RASGRP3: variants seen among roughly 807,000 people sequenced by gnomAD.
RASGRP3 encodes ras guanyl-releasing protein 3.
Under a neutral mutation model 82.7 loss-of-function variants are expected in RASGRP3, and 54 were observed. The observed-to-expected ratio is 0.65, with a 90% CI of 0.52 to 0.82. The LOEUF is 0.82. Among genes scored for constraint, RASGRP3 ranks in the 40% least tolerant of loss-of-function variants. The pLI is 0.00. For missense variants in RASGRP3, 861 were observed against 828.9 expected, an observed-to-expected ratio of 1.04 and a Z score of -0.48; for synonymous variants, 309 against 300.5, an observed-to-expected ratio of 1.03 and a Z score of -0.29.
intron 2 of RASGRP3, among the ~76,000 whole-genome samples, chr2:33,459,934 C>T (rs1268314192): frequency 6.6e-6 from 1 of 152,082 alleles, no homozygotes; most frequent in African/African-American, 2.4e-5. Flanking sequence ...AGGATTGAGG[C>T]CTAGTTGAGA....
At chr2:33,468,001 TTTCTTTC>T (rs1666813704) in intron 2 of RASGRP3, among the ~76,000 whole-genome samples, 1 of 116,468 alleles carries the variant, frequency 8.6e-6, no homozygotes, top group Admixed American at 7.8e-5. Flanking sequence ...TCTTTCTTTC[TTTCTTTC>T]TTTCTTTCTT....
At chr2:33,462,855 C>T (rs534167491) in intron 2 of RASGRP3, among the ~76,000 whole-genome samples, 1 of 152,296 alleles carries the variant, frequency 6.6e-6, no homozygotes, top group Admixed American at 6.5e-5. Context: ...TATACTAATG[C>T]TTGAATAGAA....
At chr2:33,558,490 T>C (rs1676266544) in intron 16 of RASGRP3, among the ~76,000 whole-genome samples, 154 bp downstream of exon 16, 1 of 152,160 alleles carries the variant, frequency 6.6e-6, no homozygotes, top group South Asian at 2.1e-4. Flanking sequence ...CCTTGAATCA[T>C]CCTTGCTTCT....
At chr2:33,485,942 C>T (rs1276607763) in intron 1 of RASGRP3, among the ~76,000 whole-genome samples, 2 of 152,182 alleles carry the variant, frequency 1.3e-5, no homozygotes, top group Admixed American at 1.3e-4. Context: ...CATCTCACAT[C>T]TAACTTGTGG....
intron 1 of RASGRP3, among the ~76,000 whole-genome samples, chr2:33,491,771 G>A (rs1668863739): frequency 6.6e-6 from 1 of 152,224 alleles, no homozygotes; most frequent in East Asian, 1.9e-4. Context: ...AATTGTCTAT[G>A]CAGCCTCGCA....
At chr2:33,456,253 G>A (rs1395825741) in intron 2 of RASGRP3, among the ~76,000 whole-genome samples, 2 of 152,046 alleles carry the variant, frequency 1.3e-5, no homozygotes, top group African/African-American at 4.8e-5. Flanking sequence ...CTGTCTTTTC[G>A]TTTGTTATTT....
At chr2:33,506,834 A>G (rs1670423861) in intron 1 of RASGRP3, among the ~76,000 whole-genome samples, 1 of 152,130 alleles carries the variant, frequency 6.6e-6, no homozygotes, top group Non-Finnish European at 1.5e-5. Context: ...TCGTGTCATC[A>G]GTTGTGGTCC....
intron 10 of RASGRP3, 147 bp from the exon 11 acceptor site, chr2:33,534,176 T>G (rs1673372639): frequency 1.6e-6 from 1 of 619,498 alleles, no homozygotes; most frequent in East Asian, 2.8e-5. Context: ...TCATTTTCCA[T>G]CTCTGCGTGC....
At chr2:33,483,096 A>G (rs137948548) in intron 1 of RASGRP3, among the ~76,000 whole-genome samples, 123 of 152,286 alleles carry the variant, frequency 8.1e-4, no homozygotes, top group Admixed American at 1.8e-3. Flanking sequence ...ATTATGGTCT[A>G]TAGAATGTAG....
chr2:33,553,869 G>C (rs571007374), intron 14 of RASGRP3, among the ~76,000 whole-genome samples: 1 of 152,212 alleles, frequency 6.6e-6, no homozygotes, highest in East Asian at 1.9e-4. Context: ...CTCCTGAATA[G>C]CTGGGACTAT....
chr2:33,530,940 G>A (rs1047165771), intron 10 of RASGRP3: 4 of 152,222 alleles, frequency 2.6e-5, no homozygotes, highest in Non-Finnish European at 4.4e-5. Flanking sequence ...TTTCTGTTGC[G>A]TGGGGTATGA....
intron 4 of RASGRP3, 130 bp from the exon 5 acceptor site, chr2:33,519,822 C>A: frequency 1.6e-6 from 1 of 608,024 alleles, no homozygotes. Context: ...GGCCACTTCT[C>A]TCCGTATTTG....
At chr2:33,554,917 A>G (rs1675773597) in intron 14 of RASGRP3, 1 of 152,218 alleles carries the variant, frequency 6.6e-6, no homozygotes, top group Non-Finnish European at 1.5e-5. Context: ...GTCACTTCCT[A>G]CTTGTTAACC....
At position 33,563,589 on chromosome 2, in the gene RASGRP3, G is replaced by A. The variant is rs1047208004; in HGVS notation, c.*852G>A. 4 of 130,672 alleles carry A rather than the reference G, an allele frequency of 3.1e-5. No homozygotes were observed. The highest frequency in any genetic ancestry group is 7.2e-5 in the Non-Finnish European group (4 of 55,610). The allele number at this position is 130,672 out of a possible 1,614,324, so 8.1% of individuals were successfully genotyped here. The stretch of plus-strand genomic sequence containing the variant: ...TTAAGAAATTAATTCAAGTTTTGAC[G>A]GTTAACATTTAGCAGAAAAACAAAC... On this transcript the variant is annotated 3_prime_UTR_variant, in exon 18 of 18. Coordinates refer to ENST00000403687, the MANE Select transcript of RASGRP3 (RefSeq NM_001139488.2).
At chr2:33,499,032 A>G (rs534407592) in intron 1 of RASGRP3, among the ~76,000 whole-genome samples, 1 of 152,312 alleles carries the variant, frequency 6.6e-6, no homozygotes, top group South Asian at 2.1e-4. Context: ...AAATTCCACT[A>G]TGAGCCTGTT....
At chr2:33,546,292 GGGCCCCTGTAGTCCCAGCTACTCGGGA>G (rs1674738593) in intron 13 of RASGRP3, among the ~76,000 whole-genome samples, 1 of 151,768 alleles carries the variant, frequency 6.6e-6, no homozygotes, top group Non-Finnish European at 1.5e-5. Flanking sequence ...GCTTGGTGGC[GGGCCCCTGTAGTCCCAGCTACTCGGGA>G]GGCTGAGGCA....
At chr2:33,551,665 C>T (rs1394992108) in intron 14 of RASGRP3, among the ~76,000 whole-genome samples, 2 of 151,962 alleles carry the variant, frequency 1.3e-5, no homozygotes, top group African/African-American at 2.4e-5. Flanking sequence ...AAAGAGACAC[C>T]TGCCACTGCC....
intron 2 of RASGRP3, among the ~76,000 whole-genome samples, chr2:33,452,726 T>C (rs752206370): frequency 1.3e-5 from 2 of 152,172 alleles, no homozygotes; most frequent in Non-Finnish European, 2.9e-5. Flanking sequence ...TCTGCAGGGG[T>C]TGGCCTAGAG....
At chr2:33,553,919 A>G (rs1197018652) in intron 14 of RASGRP3, among the ~76,000 whole-genome samples, 1 of 152,076 alleles carries the variant, frequency 6.6e-6, no homozygotes, top group African/African-American at 2.4e-5. Context: ...TTGTATTTTT[A>G]GTAGTGACGG....
Sources: allele counts gnomAD v4.1 joint callset (sites outside exome capture counted in the v4.1 genomes callset), GRCh38; gene constraint gnomAD v4.1.1; transcripts MANE v1.5; gene names NCBI Gene and HGNC (gene_info 2026-07-23, HGNC 2026-07-21).